Variants in CA10 observed in about 807,000 individuals in gnomAD.
CA10 encodes the protein carbonic anhydrase-related protein 10.
A neutral mutation model predicts 44.2 loss-of-function variants in CA10; 14 were observed. The observed-to-expected ratio is 0.32, with a 90% CI of 0.21 to 0.50. The LOEUF (loss-of-function observed/expected upper bound fraction) is 0.50. Ranked by LOEUF, CA10 falls within the 20% of genes least tolerant of loss-of-function variation. The pLI is 0.99. For synonymous variants in CA10, 159 were observed against 141.6 expected (o/e 1.12, Z -0.87); for missense variants, 350 against 409.7 (o/e 0.85, Z 1.26).
intron 1 of CA10, among the ~76,000 whole-genome samples, chr17:52,149,760 G>T (rs185052019): frequency 5.3e-5 from 8 of 152,228 alleles, no homozygotes; most frequent in Admixed American, 4.6e-4. Context: ...TCTATATCTG[G>T]GTTATTCCAA....
At chr17:51,669,886 A>G (rs1914352896) in intron 4 of CA10, among the ~76,000 whole-genome samples, 1 of 152,216 alleles carries the variant, frequency 6.6e-6, no homozygotes, top group African/African-American at 2.4e-5. Flanking sequence ...CCCAAATCTT[A>G]TCTTGAATTT....
chr17:51,633,714 G>A, intron 7 of CA10, 64 bp from the exon 8 acceptor site: 2 of 1,549,222 alleles, frequency 1.3e-6, no homozygotes, highest in Non-Finnish European at 1.8e-6. Flanking sequence ...GAAGAAATAA[G>A]ACCACAGAGA....
intron 2 of CA10, among the ~76,000 whole-genome samples, chr17:51,958,105 A>G (rs1983735348): frequency 6.6e-6 from 1 of 152,176 alleles, no homozygotes; most frequent in African/African-American, 2.4e-5. Flanking sequence ...CAGTGCTAAC[A>G]TATAGTAAGT....
intron 2 of CA10, among the ~76,000 whole-genome samples, chr17:52,069,407 G>A (rs1425588484): frequency 6.6e-6 from 1 of 152,142 alleles, no homozygotes; most frequent in Non-Finnish European, 1.5e-5. Flanking sequence ...GCATAGTCAG[G>A]GCTCTGCCTG....
At chr17:51,956,102 G>T (rs1983656876) in intron 2 of CA10, among the ~76,000 whole-genome samples, 1 of 152,106 alleles carries the variant, frequency 6.6e-6, no homozygotes. Flanking sequence ...CATAAAGAAT[G>T]ATATTAAAAA....
At chr17:51,632,754 T>C in intron 8 of CA10, among the ~76,000 whole-genome samples, 1 of 152,174 alleles carries the variant, frequency 6.6e-6, no homozygotes, top group East Asian at 1.9e-4. Flanking sequence ...CCTTCCTCCA[T>C]CTTTCTTTCC....
intron 1 of CA10, among the ~76,000 whole-genome samples, chr17:52,104,627 C>T (rs1988618027): frequency 6.6e-6 from 1 of 152,182 alleles, no homozygotes; most frequent in Non-Finnish European, 1.5e-5. Flanking sequence ...AATCTCCAAC[C>T]TTACCTCCTT....
chr17:51,757,661 C>T (rs576529548), intron 3 of CA10, among the ~76,000 whole-genome samples: 1 of 152,126 alleles, frequency 6.6e-6, no homozygotes, highest in Non-Finnish European at 1.5e-5. Context: ...ACTACCATAG[C>T]CTATAGAAAA....
chr17:51,911,173 C>T (rs1981776049), intron 3 of CA10, among the ~76,000 whole-genome samples: 1 of 152,152 alleles, frequency 6.6e-6, no homozygotes, highest in African/African-American at 2.4e-5. Context: ...GCTGCCTCTT[C>T]ACCCTGGGCC....
At chr17:51,708,325 G>A (rs1267671682) in intron 4 of CA10, among the ~76,000 whole-genome samples, 1 of 152,162 alleles carries the variant, frequency 6.6e-6, no homozygotes, top group Non-Finnish European at 1.5e-5. Context: ...GGAAGGAGAG[G>A]CACTGAACAC....
chr17:51,670,675 C>T (rs1914384966), intron 4 of CA10, among the ~76,000 whole-genome samples: 1 of 152,176 alleles, frequency 6.6e-6, no homozygotes, highest in Non-Finnish European at 1.5e-5. Context: ...CTTATATCCA[C>T]AATGAGTAAC....
At chr17:51,642,975 G>A (rs866531621) in intron 6 of CA10, among the ~76,000 whole-genome samples, 2 of 152,096 alleles carry the variant, frequency 1.3e-5, no homozygotes, top group African/African-American at 4.8e-5. Flanking sequence ...ATTTGTGATC[G>A]TTTGGATTCT....
At chr17:51,840,542 T>C (rs931320717) in intron 3 of CA10, among the ~76,000 whole-genome samples, 2 of 151,164 alleles carry the variant, frequency 1.3e-5, no homozygotes, top group Admixed American at 6.6e-5. Context: ...ATATCTATAA[T>C]AACACAGAGT....
intron 2 of CA10, among the ~76,000 whole-genome samples, chr17:52,062,977 T>C (rs1054272767): frequency 6.6e-6 from 1 of 152,230 alleles, no homozygotes; most frequent in South Asian, 2.1e-4. Flanking sequence ...AGCAGCAATG[T>C]GGGCTGCACC....
At chr17:51,809,722 G>T (rs577192257) in intron 3 of CA10, among the ~76,000 whole-genome samples, 1 of 152,132 alleles carries the variant, frequency 6.6e-6, no homozygotes, top group African/African-American at 2.4e-5. Context: ...TGGACATATC[G>T]GGGAAGATAT....
intron 3 of CA10, among the ~76,000 whole-genome samples, chr17:51,882,290 C>T (rs1457566779): frequency 6.6e-6 from 1 of 152,022 alleles, no homozygotes; most frequent in Admixed American, 6.6e-5. Flanking sequence ...ATAAAATTAT[C>T]GTGTTATATT....
At chr17:51,787,200 G>A (rs536394891) in intron 3 of CA10, among the ~76,000 whole-genome samples, 24 of 152,270 alleles carry the variant, frequency 1.6e-4, no homozygotes, top group African/African-American at 5.8e-4. Context: ...AATGAACTTG[G>A]AAGTATTCCC....
rs11655970 is a variant in CA10 at position 52,157,782 on chromosome 17, T to G, written c.5A>C (p.Glu2Ala). 1 of 1,613,676 alleles carries G rather than the reference T, an allele frequency of 6.2e-7. No individual in the cohort carries two copies. The highest frequency in any genetic ancestry group is 8.5e-7 in the Non-Finnish European group (1 of 1,179,704). Residue 2 changes from glutamate (E) to alanine (A), a missense_variant, in exon 1 of 9, where the codon GAA becomes GCA. Glu to Ala is a moderately radical substitution (Grantham distance 107, BLOSUM62 -1). Coordinates refer to ENST00000451037, the MANE Select transcript of CA10 (RefSeq NM_020178.5). M[E>A]IVWEVLFLLQ... is the part of the protein sequence containing the mutation. ...AAGAAAAAGCACCTCCCAGACTATT[T>G]CCATCCTCTGATTCTCATTCCAAGT...
intron 4 of CA10, among the ~76,000 whole-genome samples, chr17:51,722,342 C>T (rs971791227): frequency 2.0e-5 from 3 of 152,040 alleles, no homozygotes; most frequent in African/African-American, 7.2e-5. Flanking sequence ...ATTCCAGTGG[C>T]CCACCTCCTT....
Sources: allele counts gnomAD v4.1 joint callset (sites outside exome capture counted in the v4.1 genomes callset), GRCh38; gene constraint gnomAD v4.1.1; transcripts MANE v1.5; gene names NCBI Gene and HGNC (gene_info 2026-07-23, HGNC 2026-07-21).